CDK5RAP2: variants seen among roughly 807,000 people sequenced by gnomAD.
The protein encoded by CDK5RAP2 is CDK5 regulatory subunit-associated protein 2.
In CDK5RAP2, 147 loss-of-function variants were observed where a neutral mutation model predicts 232.9. The observed-to-expected ratio is 0.63, with a 90% CI of 0.55 to 0.72. CDK5RAP2 has a LOEUF of 0.72. CDK5RAP2 is among the 30% of genes least tolerant of loss of function. The probability of loss-of-function intolerance (pLI) is 0.00; values close to 1 mark genes in which losing one functional copy is unlikely to be tolerated. For missense variants in CDK5RAP2, 2,195 were observed against 2,231.5 expected (o/e 0.98, Z 0.33); for synonymous variants, 833 against 833.7 (o/e 1.00, Z 0.01).
chr9:120,550,090 T>C (rs1469467607), intron 4 of CDK5RAP2, among the ~76,000 whole-genome samples: 1 of 152,218 alleles, frequency 6.6e-6, no homozygotes, highest in African/African-American at 2.4e-5. Flanking sequence ...CACTGAAATA[T>C]TGTTTGTACT....
chr9:120,545,648 G>A (rs1300236381), intron 5 of CDK5RAP2, 66 bp downstream of exon 5: 25 of 1,150,850 alleles, frequency 2.2e-5, no homozygotes, highest in Middle Eastern at 1.9e-4. Context: ...AAAAGTGTAC[G>A]GCTCTATTTC....
intron 18 of CDK5RAP2, among the ~76,000 whole-genome samples, chr9:120,462,556 A>G (rs1312204680): frequency 6.6e-6 from 1 of 152,214 alleles, no homozygotes; most frequent in Non-Finnish European, 1.5e-5. Context: ...CACTCATGCA[A>G]TGGAATACTA....
At chr9:120,554,795 G>A (rs772818230) in intron 3 of CDK5RAP2, among the ~76,000 whole-genome samples, 8 of 152,026 alleles carry the variant, frequency 5.3e-5, no homozygotes, top group Middle Eastern at 3.4e-3. Context: ...CACCATGCCC[G>A]GCTAATTTTT....
At chr9:120,452,051 G>A (rs2131395910) in intron 21 of CDK5RAP2, among the ~76,000 whole-genome samples, 1 of 151,982 alleles carries the variant, frequency 6.6e-6, no homozygotes, top group African/African-American at 2.4e-5. Context: ...CAATTCTCCA[G>A]TTTTCCTGAA....
intron 35 of CDK5RAP2, among the ~76,000 whole-genome samples, chr9:120,395,005 G>A (rs891165541): frequency 5.3e-5 from 8 of 152,168 alleles, no homozygotes; most frequent in African/African-American, 7.2e-5. Flanking sequence ...AAGGATGTTC[G>A]TCTCAGCATT....
In CDK5RAP2 at chr9:120,400,754, A is replaced by T; in HGVS notation, c.5439T>A (p.Leu1813=). 6.2e-7 allele frequency: 1 copy of T among 1,613,734 alleles called. No individual in the cohort carries two copies. Among genetic ancestry groups the T allele is most frequent in the Non-Finnish European group, 8.5e-7 (1 of 1,180,006 alleles). Reference sequence around the variant, plus strand: ...TGTCACCACCTACCTGCTCACAGTGAAGGGGGCACTGGCCATCCTCGGGGA... The same window carrying T: ...TGTCACCACCTACCTGCTCACAGTGTAGGGGGCACTGGCCATCCTCGGGGA... ...VSLPEDGQCP[L]HCEQIGEMKA... is the part of the protein sequence containing the mutation. Residue 1813 remains leucine (L), a synonymous_variant, in exon 35 of 38, where the codon CTT becomes CTA. Coordinates refer to ENST00000349780, the MANE Select transcript of CDK5RAP2 (RefSeq NM_018249.6).
chr9:120,492,251 T>C (rs1336228934), intron 12 of CDK5RAP2, among the ~76,000 whole-genome samples: 4 of 152,198 alleles, frequency 2.6e-5, no homozygotes, highest in African/African-American at 9.7e-5. Context: ...TGGAGCACTC[T>C]TAAGCTATAA....
intron 18 of CDK5RAP2, among the ~76,000 whole-genome samples, chr9:120,466,032 A>C (rs1222534960): frequency 6.6e-6 from 1 of 152,314 alleles, no homozygotes; most frequent in East Asian, 1.9e-4. Context: ...CTCTTTTCCA[A>C]ATGTTGGGGT....
intron 12 of CDK5RAP2, chr9:120,517,785 C>A (rs1185650880): frequency 3.8e-6 from 1 of 266,340 alleles, no homozygotes. Flanking sequence ...GTGAGGTGGG[C>A]ATGGTGGCAT....
At chr9:120,438,006 G>A (rs2035686506) in intron 24 of CDK5RAP2, among the ~76,000 whole-genome samples, 1 of 152,184 alleles carries the variant, frequency 6.6e-6, no homozygotes, top group Non-Finnish European at 1.5e-5. Flanking sequence ...GGACCTGTCA[G>A]TAACTGAATT....
intron 12 of CDK5RAP2, among the ~76,000 whole-genome samples, chr9:120,496,368 C>G (rs1199531456): frequency 7.1e-6 from 1 of 140,170 alleles, no homozygotes; most frequent in Non-Finnish European, 1.6e-5. Flanking sequence ...CCGCCCCGTC[C>G]GGGAGGGAGG....
chr9:120,408,968 T>A (rs550804751), intron 30 of CDK5RAP2, among the ~76,000 whole-genome samples, 159 bp downstream of exon 30: 1 of 152,350 alleles, frequency 6.6e-6, no homozygotes, highest in African/African-American at 2.4e-5. Context: ...ACAGGATCTT[T>A]CTCCATATGT....
chr9:120,472,871 G>A (rs75078349), intron 15 of CDK5RAP2, among the ~76,000 whole-genome samples: 2,408 of 152,302 alleles, frequency 0.016, 77 homozygotes, highest in African/African-American at 0.055. Context: ...TGTCTATTGA[G>A]CACTTGAAAT....
chr9:120,442,576 G>T (rs533710806), intron 23 of CDK5RAP2, among the ~76,000 whole-genome samples: 2 of 152,190 alleles, frequency 1.3e-5, no homozygotes, highest in African/African-American at 4.8e-5. Flanking sequence ...GTACTGACAG[G>T]GAAAGGGAAG....
chr9:120,427,012 C>G (rs2034948348), intron 25 of CDK5RAP2, among the ~76,000 whole-genome samples: 1 of 152,182 alleles, frequency 6.6e-6, no homozygotes, highest in South Asian at 2.1e-4. Context: ...GTTGGGTTCC[C>G]TTAGCTGAGG....
chr9:120,463,686 C>T (rs1169698454), intron 18 of CDK5RAP2, among the ~76,000 whole-genome samples: 1 of 152,212 alleles, frequency 6.6e-6, no homozygotes, highest in African/African-American at 2.4e-5. Context: ...TGAAAAGCGT[C>T]AAAGTTATTC....
chr9:120,462,785 G>T (rs1032875853), intron 18 of CDK5RAP2, among the ~76,000 whole-genome samples: 3 of 152,168 alleles, frequency 2.0e-5, no homozygotes, highest in African/African-American at 7.2e-5. Flanking sequence ...CTTGATAGGG[G>T]TTTGCCTTAC....
chr9:120,408,783 C>T (rs1340117973), intron 30 of CDK5RAP2, among the ~76,000 whole-genome samples: 1 of 152,256 alleles, frequency 6.6e-6, no homozygotes, highest in African/African-American at 2.4e-5. Context: ...AGGCCTAAGC[C>T]ACTTTGCCTC....
intron 25 of CDK5RAP2, among the ~76,000 whole-genome samples, chr9:120,429,342 T>C (rs983256230): frequency 3.3e-5 from 5 of 152,036 alleles, no homozygotes; most frequent in East Asian, 1.9e-4. Flanking sequence ...GATGACATGA[T>C]TGTATATCTA....
Sources: allele counts gnomAD v4.1 joint callset (sites outside exome capture counted in the v4.1 genomes callset), GRCh38; gene constraint gnomAD v4.1.1; transcripts MANE v1.5; gene names NCBI Gene and HGNC (gene_info 2026-07-23, HGNC 2026-07-21).